The following ANKRD31 variants were observed in gnomAD, a reference collection of about 807,000 sequenced individuals.
The protein encoded by ANKRD31 is ankyrin repeat domain 31, also known as ankyrin repeat domain-containing protein 31.
Under a neutral mutation model 186.0 loss-of-function variants are expected in ANKRD31, and 147 were observed. The ratio of observed to expected loss-of-function variants is 0.79; its 90% CI spans 0.69 to 0.91. The LOEUF (loss-of-function observed/expected upper bound fraction) is 0.91. ANKRD31 is among the 40% of genes least tolerant of loss of function. The pLI is 0.00. For synonymous variants in ANKRD31, 673 were observed against 736.4 expected (o/e 0.91, Z 1.39); for missense variants, 1,986 against 2,148.8 (o/e 0.92, Z 1.50).
intron 10 of ANKRD31, among the ~76,000 whole-genome samples, chr5:75,176,242 G>A (rs990720115): frequency 6.6e-6 from 1 of 152,304 alleles, no homozygotes; most frequent in African/African-American, 2.4e-5. Flanking sequence ...CAGGAAGCTC[G>A]AACTGGGTGG....
intron 7 of ANKRD31, among the ~76,000 whole-genome samples, chr5:75,194,721 T>C (rs1038867417): frequency 3.3e-5 from 5 of 152,070 alleles, no homozygotes; most frequent in African/African-American, 9.7e-5. Context: ...TTTGCTGACA[T>C]TGAAAGATAA....
At chr5:75,183,879 A>G (rs1291295967) in intron 10 of ANKRD31, among the ~76,000 whole-genome samples, 1 of 152,100 alleles carries the variant, frequency 6.6e-6, no homozygotes, top group Non-Finnish European at 1.5e-5. Flanking sequence ...CAAAATACCA[A>G]TGACATTCAT....
intron 10 of ANKRD31, among the ~76,000 whole-genome samples, chr5:75,180,665 A>G (rs2150217572): frequency 6.6e-6 from 1 of 152,322 alleles, no homozygotes; most frequent in African/African-American, 2.4e-5. Context: ...TGGTGCTGGG[A>G]AAACTGGCTA....
chr5:75,188,608 G>A lies in ANKRD31; in HGVS notation c.1449C>T (p.Asn483=), dbSNP rs1163508615. ...KVNKISLHSI[N]RRNIFGENLV... ...AGTTCTCTCCAAAAATGTTTCTCCG[G>A]TTAATGCTATGAAGAGATATTTTGT... The change falls in exon 10 of 26, where the codon AAC becomes AAT. Residue 483 remains asparagine, a synonymous_variant. Transcript: ENST00000506364. 1 of 1,535,418 alleles carries A rather than the reference G, an allele frequency of 6.5e-7. No individual in the cohort carries two copies. The highest frequency in any genetic ancestry group is 8.7e-7 in the Non-Finnish European group (1 of 1,146,022).
rs530145881 is a variant in ANKRD31, at chr5:75,116,357, T to C, written c.4155+209A>G. Among the ~76,000 whole-genome samples, 310 of 151,966 alleles carry C rather than the reference T, an allele frequency of 2.0e-3. 1 individual carries two copies. The highest frequency in any genetic ancestry group is 3.6e-3 in the Non-Finnish European group (245 of 67,942). On this transcript the variant is annotated intron_variant, in intron 19 of 25. Transcript: ENST00000506364. ...CGCACCAGCATAGCACATGTATACA[T>C]ATGTAACTAACCTGCACATTGTGCA... is the stretch of plus-strand genomic sequence containing the variant.
intron 17 of ANKRD31, among the ~76,000 whole-genome samples, chr5:75,119,804 A>T (rs947114634): frequency 2.6e-5 from 4 of 152,154 alleles, no homozygotes; most frequent in Non-Finnish European, 5.9e-5. Context: ...GTGCGAGATG[A>T]TATCTCATTC....
chr5:75,167,535 A>G (rs2150185128), intron 11 of ANKRD31, among the ~76,000 whole-genome samples: 1 of 152,274 alleles, frequency 6.6e-6, no homozygotes, highest in Middle Eastern at 3.4e-3. Context: ...TCTCACCACT[A>G]GTCAGGATAT....
intron 7 of ANKRD31, 125 bp from the exon 8 acceptor site, chr5:75,193,716 G>T: frequency 3.8e-6 from 3 of 792,476 alleles, no homozygotes; most frequent in South Asian, 2.0e-5. Flanking sequence ...CCAAGTACAA[G>T]AATTCATAGA....
intron 2 of ANKRD31, among the ~76,000 whole-genome samples, chr5:75,224,748 A>G (rs1757535695): frequency 6.6e-6 from 1 of 152,162 alleles, no homozygotes; most frequent in South Asian, 2.1e-4. Flanking sequence ...TCTAAGTCTG[A>G]TAGAGAAAGA....
intron 22 of ANKRD31, among the ~76,000 whole-genome samples, chr5:75,096,991 C>T (rs1746381909): frequency 2.0e-5 from 3 of 152,128 alleles, no homozygotes; most frequent in Non-Finnish European, 4.4e-5. Flanking sequence ...GACATGAACT[C>T]ATCTTTTTTA....
intron 17 of ANKRD31, among the ~76,000 whole-genome samples, chr5:75,121,102 G>A (rs1445895607): frequency 6.6e-6 from 1 of 151,560 alleles, no homozygotes; most frequent in African/African-American, 2.4e-5. Context: ...AGAATCACTT[G>A]AACCTGGGAG....
chr5:75,106,290 A>G (rs1253463946), intron 21 of ANKRD31, among the ~76,000 whole-genome samples: 1 of 152,098 alleles, frequency 6.6e-6, no homozygotes, highest in Non-Finnish European at 1.5e-5. Context: ...GAACCCCACC[A>G]TGGGTCCCTG....
In ANKRD31 at chr5:75,198,289, G is replaced by T. The variant is rs114056347; in HGVS notation, c.447+1342C>A. Among the ~76,000 whole-genome samples, 411 of 152,152 alleles carry T rather than the reference G, an allele frequency of 2.7e-3. 1 individual carries two copies. The highest frequency in any genetic ancestry group is 8.9e-3 in the African/African-American group (369 of 41,522). Reference sequence around the variant, plus strand: ...CCTTGCTGGCCTGTCTCACAATAAAGCCTTTTTTTCCCTCAAAAGCCAATG... The same window carrying T: ...CCTTGCTGGCCTGTCTCACAATAAATCCTTTTTTTCCCTCAAAAGCCAATG... On this transcript the variant is annotated intron_variant, in intron 6 of 25. Coordinates refer to ENST00000506364, the MANE Select transcript of ANKRD31 (RefSeq NM_001372053.1).
rs375759947 is a variant in ANKRD31 at position 75,146,089 on chromosome 5, T to G, written c.3322A>C (p.Ile1108Leu). 12 of 1,535,328 alleles carry G rather than the reference T, an allele frequency of 7.8e-6. No individual in the cohort carries two copies. In the African/African-American group the frequency reaches 1.4e-4, roughly 18 times the overall value. ...GTGGAATGAGAATCTATATTGTGTATAGTCTCACTTTCTAGATGGTTTTGT... is the reference window on the plus strand; with the variant it reads ...GTGGAATGAGAATCTATATTGTGTAGAGTCTCACTTTCTAGATGGTTTTGT... ...RRQNHLESET[I>L]HNIDSHSTDN... Residue 1108 changes from isoleucine (I) to leucine (L), a missense_variant, in exon 14 of 26, where the codon ATA becomes CTA. Transcript: ENST00000506364.
intron 5 of ANKRD31, among the ~76,000 whole-genome samples, chr5:75,201,403 A>G (rs898110631): frequency 1.3e-5 from 2 of 152,224 alleles, no homozygotes; most frequent in Admixed American, 1.3e-4. Flanking sequence ...TACTTGCTTA[A>G]AATTTTAATA....
chr5:75,179,208 C>T (rs924019139), intron 10 of ANKRD31, among the ~76,000 whole-genome samples: 16 of 152,060 alleles, frequency 1.1e-4, no homozygotes, highest in Non-Finnish European at 2.1e-4. Context: ...TCTGAATAGA[C>T]CAATAACAGG....
intron 10 of ANKRD31, among the ~76,000 whole-genome samples, chr5:75,175,529 A>G (rs1032776905): frequency 2.6e-5 from 4 of 152,140 alleles, no homozygotes; most frequent in Non-Finnish European, 5.9e-5. Context: ...GCATCTTGAG[A>G]GTGAGGAATG....
chr5:75,134,602 C>T (rs878941917), intron 17 of ANKRD31, among the ~76,000 whole-genome samples: 5 of 152,114 alleles, frequency 3.3e-5, no homozygotes, highest in African/African-American at 2.4e-5. Flanking sequence ...GGAGCTGGTA[C>T]CATTCCTTCT....
chr5:75,138,623 C>T (rs1364806712), intron 16 of ANKRD31, among the ~76,000 whole-genome samples: 1 of 152,120 alleles, frequency 6.6e-6, no homozygotes, highest in Non-Finnish European at 1.5e-5. Flanking sequence ...TCTACCCTCT[C>T]TGATGCTCCC....
Sources: gnomAD v4.1 joint callset for allele counts (sites outside exome capture counted in the v4.1 genomes callset) on GRCh38, gnomAD v4.1.1 for gene constraint, MANE v1.5 for transcripts, NCBI Gene and HGNC (gene_info 2026-07-23, HGNC 2026-07-21) for gene names.